The following COL5A2 variants were observed in gnomAD, a reference collection of about 807,000 sequenced individuals.
COL5A2 encodes collagen alpha-2(V) chain.
In COL5A2, 23 loss-of-function variants were observed where a neutral mutation model predicts 208.2. That is an observed-to-expected ratio of 0.11 (90% confidence interval 0.08 to 0.16). The LOEUF (loss-of-function observed/expected upper bound fraction) is 0.16. Among genes scored for constraint, COL5A2 ranks in the 10% least tolerant of loss-of-function variants. The probability of loss-of-function intolerance (pLI) is 1.00; values close to 1 mark genes in which losing one functional copy is unlikely to be tolerated. For missense variants in COL5A2, 1,590 were observed against 1,956.4 expected (o/e 0.81, Z 3.53); for synonymous variants, 625 against 628.5 (o/e 0.99, Z 0.08).
intron 35 of COL5A2, among the ~76,000 whole-genome samples, chr2:189,056,469 C>A (rs1399474594): frequency 6.6e-6 from 1 of 152,158 alleles, no homozygotes; most frequent in African/African-American, 2.4e-5. Flanking sequence ...CAATGCTTTG[C>A]AGTTGACCAT....
At chr2:189,263,528 GAAATAAATCTA>G in the COL5A2 span, among the ~76,000 whole-genome samples, 2 of 152,064 alleles carry the variant, frequency 1.3e-5, no homozygotes, top group Non-Finnish European at 2.9e-5. Context: ...TGATTCTGGT[GAAATAAATCTA>G]CTATGCTGCC....
At chr2:189,158,359 A>T (rs1188116484) in intron 1 of COL5A2, among the ~76,000 whole-genome samples, 2 of 152,076 alleles carry the variant, frequency 1.3e-5, no homozygotes, top group Admixed American at 1.3e-4. Context: ...TAGCACTAAA[A>T]GTATTAACAC....
the COL5A2 span, among the ~76,000 whole-genome samples, chr2:189,268,534 T>C: frequency 1.3e-5 from 2 of 152,144 alleles, no homozygotes; most frequent in African/African-American, 4.8e-5. Flanking sequence ...AGAAAATCCA[T>C]GTTTAACAAC....
chr2:189,037,945 T>C (rs1685476426), intron 51 of COL5A2, among the ~76,000 whole-genome samples: 1 of 152,198 alleles, frequency 6.6e-6, no homozygotes, highest in Non-Finnish European at 1.5e-5. Context: ...AAAATATCAA[T>C]ATTTTAAGAT....
Position 189,041,677 on chromosome 2 carries a change from A to C in COL5A2, c.3542T>G (p.Val1181Gly), listed in dbSNP as rs200845884. ...PFGPRGPPGP[V>G]GPSGKEGNPG... ...GTTTCCTTCTTTACCTGAAGGACCA[A>C]CTGGGCCTGGAGGACCCTGCAAGAA... Residue 1181 changes from valine (V) to glycine (G), a missense_variant, in exon 50 of 54, where the codon GTT becomes GGT. Physicochemically the swap from Val to Gly is moderately radical, Grantham distance 109. Coordinates refer to ENST00000374866, the MANE Select transcript of COL5A2 (RefSeq NM_000393.5). The C allele has an allele frequency of 1.4e-5, 23 of 1,613,914 alleles. No homozygotes were observed. In the African/African-American group the frequency reaches 2.4e-4, roughly 17 times the overall value.
chr2:189,358,429 T>C, the COL5A2 span, among the ~76,000 whole-genome samples: 1 of 152,208 alleles, frequency 6.6e-6, no homozygotes, highest in East Asian at 1.9e-4. Flanking sequence ...TTCATAAGGC[T>C]ATAGCTGCTG....
chr2:189,038,408 C>T (rs1196275883), intron 51 of COL5A2, among the ~76,000 whole-genome samples: 2 of 152,154 alleles, frequency 1.3e-5, no homozygotes, highest in Non-Finnish European at 2.9e-5. Flanking sequence ...ATATGTACCA[C>T]ATTTTCTTTA....
chr2:189,081,974 C>T (rs1182749876), intron 12 of COL5A2, among the ~76,000 whole-genome samples: 1 of 152,150 alleles, frequency 6.6e-6, no homozygotes, highest in African/African-American at 2.4e-5. Context: ...ACCTTGATAG[C>T]ATTGATTGAT....
the COL5A2 span, among the ~76,000 whole-genome samples, chr2:189,340,559 C>CT: frequency 6.6e-6 from 1 of 152,120 alleles, no homozygotes; most frequent in Non-Finnish European, 1.5e-5. Context: ...ATGGTGAGCT[C>CT]TTTTTAAGGT....
the COL5A2 span, among the ~76,000 whole-genome samples, chr2:189,344,813 C>T: frequency 6.6e-6 from 1 of 152,122 alleles, no homozygotes; most frequent in Non-Finnish European, 1.5e-5. Flanking sequence ...AAAGAGAGAC[C>T]AAGACTCACC....
rs1420523761 is a variant in COL5A2 at position 189,068,854 on chromosome 2, G to A, written c.1189C>T (p.Pro397Ser). The A allele has an allele frequency of 1.9e-6, 3 of 1,613,046 alleles. No individual in the cohort carries two copies. Among genetic ancestry groups the A allele is most frequent in the South Asian group, 2.2e-5 (2 of 91,046 alleles). The part of the protein sequence containing the change: ...GEAGPTGARG[P>S]EGPQGQRGET... The stretch of plus-strand genomic sequence containing the variant: ...CCTCTCTGCCCCTGAGGACCTTCAG[G>A]GCCTCGCGCCCCTGTAGGACCTGCT... Residue 397 changes from proline (P) to serine (S), a missense_variant, in exon 19 of 54, where the codon CCT becomes TCT. Physicochemically the swap from Pro to Ser is moderately conservative, Grantham distance 74. Coordinates refer to ENST00000374866, the MANE Select transcript of COL5A2 (RefSeq NM_000393.5).
chr2:189,385,244 A>G, the COL5A2 span, among the ~76,000 whole-genome samples: 1 of 152,182 alleles, frequency 6.6e-6, no homozygotes, highest in African/African-American at 2.4e-5. Flanking sequence ...CCCTGCCACA[A>G]GATTCCTAGA....
intron 1 of COL5A2, among the ~76,000 whole-genome samples, chr2:189,115,151 T>C (rs1297322083): frequency 6.6e-6 from 1 of 152,182 alleles, no homozygotes; most frequent in Non-Finnish European, 1.5e-5. Context: ...AGAAAAGAGA[T>C]ATATTTTATC....
intron 1 of COL5A2, among the ~76,000 whole-genome samples, chr2:189,170,120 T>C (rs1559135072): frequency 6.6e-6 from 1 of 152,178 alleles, no homozygotes; most frequent in African/African-American, 2.4e-5. Flanking sequence ...GATAGATAGA[T>C]AGTATTCATC....
At chr2:189,277,572 G>C in the COL5A2 span, among the ~76,000 whole-genome samples, 17 of 152,144 alleles carry the variant, frequency 1.1e-4, no homozygotes, top group African/African-American at 4.1e-4. Context: ...AGTCTTTTCA[G>C]GTTATAGTTT....
Position 189,066,360 on chromosome 2 carries a change from G to GT in COL5A2, c.1563+29dup, listed in dbSNP as rs762184392. ...TTACACACATAATTCCCTCACAACT[G>GT]TAAGAATGTGTTGTATTATTTAAAT... On this transcript the variant is annotated intron_variant, in intron 23 of 53. Coordinates refer to ENST00000374866, the MANE Select transcript of COL5A2 (RefSeq NM_000393.5). The GT allele has an allele frequency of 5.8e-6, 9 of 1,560,526 alleles. No homozygotes were observed. In the South Asian group the frequency reaches 8.9e-5, roughly 15 times the overall value.
intron 7 of COL5A2, among the ~76,000 whole-genome samples, chr2:189,091,347 A>T (rs1686779509): frequency 6.6e-6 from 1 of 152,220 alleles, no homozygotes; most frequent in Admixed American, 6.5e-5. Context: ...CCTGGTGAAG[A>T]TACTGTGAAG....
the COL5A2 span, among the ~76,000 whole-genome samples, chr2:189,249,267 A>G: frequency 6.6e-6 from 1 of 152,208 alleles, no homozygotes; most frequent in African/African-American, 2.4e-5. Flanking sequence ...TATTGAAATA[A>G]GGTAGCAGTT....
chr2:189,059,061 T>C (rs1267212557), intron 31 of COL5A2, among the ~76,000 whole-genome samples, 168 bp from the exon 32 acceptor site: 1 of 152,156 alleles, frequency 6.6e-6, no homozygotes, highest in Non-Finnish European at 1.5e-5. Flanking sequence ...AATGAGGGAA[T>C]ATTACATGTT....
Sources: allele counts gnomAD v4.1 joint callset (sites outside exome capture counted in the v4.1 genomes callset), GRCh38; gene constraint gnomAD v4.1.1; transcripts MANE v1.5; gene names NCBI Gene and HGNC (gene_info 2026-07-23, HGNC 2026-07-21).